Variants in CYP1A2 observed in about 807,000 individuals in gnomAD.
CYP1A2 encodes the protein cytochrome P450 1A2.
CYP1A2 carries 35 observed loss-of-function variants against 34.7 expected under a neutral mutation model. The ratio of observed to expected loss-of-function variants is 1.01; its 90% CI spans 0.77 to 1.34. CYP1A2 has a LOEUF of 1.34. Among genes scored for constraint, CYP1A2 ranks in the 40% most tolerant of loss-of-function variants. CYP1A2 has a pLI of 0.00. For synonymous variants in CYP1A2, 288 were observed against 281.9 expected, an observed-to-expected ratio of 1.02 and a Z score of -0.22; for missense variants, 675 against 675.8, an observed-to-expected ratio of 1.00 and a Z score of 0.01.
Position 74,751,231 on chromosome 15 carries a change from A to C in CYP1A2, c.874A>C (p.Lys292Gln), listed in dbSNP as rs760946724. ...DITGALFKHS[K>Q]KGPRASGNLI... ...CACGGGTGCCCTGTTCAAGCACAGCAAGAAGGGGCCTAGAGCCAGCGGCAA... is the reference window on the plus strand; with the variant it reads ...CACGGGTGCCCTGTTCAAGCACAGCCAGAAGGGGCCTAGAGCCAGCGGCAA... Residue 292 changes from lysine to glutamine, a missense_variant, in exon 3 of 7, where the codon AAG becomes CAG. Transcript: ENST00000343932. 2 of 1,614,140 alleles carry C rather than the reference A, an allele frequency of 1.2e-6. No individual in the cohort carries two copies. The highest frequency in any genetic ancestry group is 2.2e-5 in the South Asian group (2 of 91,084).
rs1567205296 is a variant in CYP1A2 at position 74,750,355 on chromosome 15, G to T, written c.617G>T (p.Gly206Val). The change falls in exon 2 of 7, where the codon GGA becomes GTA. Residue 206 changes from glycine to valine, a missense_variant. Physicochemically the swap from Gly to Val is moderately radical, Grantham distance 109. Coordinates refer to ENST00000343932, the MANE Select transcript of CYP1A2 (RefSeq NM_000761.5). ...AACGTCATTGGTGCCATGTGCTTCG[G>T]ACAGCACTTCCCTGAGAGTAGCGAT... ...VANVIGAMCF[G>V]QHFPESSDEM... 2 of 1,614,174 alleles carry T rather than the reference G, an allele frequency of 1.2e-6. No homozygotes were observed. The highest frequency in any genetic ancestry group is 1.7e-6 in the Non-Finnish European group (2 of 1,180,026).
chr15:74,753,609 C>T (rs897804965), intron 6 of CYP1A2, among the ~76,000 whole-genome samples: 1 of 151,876 alleles, frequency 6.6e-6, no homozygotes, highest in Non-Finnish European at 1.5e-5. Flanking sequence ...GGTGGTGCGC[C>T]TATAATCCCA....
intron 5 of CYP1A2, among the ~76,000 whole-genome samples, chr15:74,752,885 T>TC (rs1204791537): frequency 2.0e-5 from 3 of 151,134 alleles, no homozygotes; most frequent in Non-Finnish European, 4.4e-5. Context: ...TTTTTTTTTT[T>TC]TTTTTTTTTC....
chr15:74,748,960 T>C lies in CYP1A2; in HGVS notation c.-10+63T>C, dbSNP rs138161886. The C allele has an allele frequency of 3.2e-4, 48 of 152,380 alleles. 1 individual carries two copies. The highest frequency in any genetic ancestry group is 1.1e-3 in the African/African-American group (46 of 41,586). The allele number at this position is 152,380 out of a possible 1,614,324, so 9.4% of individuals were successfully genotyped here. The stretch of plus-strand genomic sequence containing the variant: ...CCCAACTATAGAACCTGGAAGCTAG[T>C]GGGGACAGAAAGACGGGGAGCCTGG... On this transcript the variant is annotated intron_variant, in intron 1 of 6. Transcript: ENST00000343932.
chr15:74,753,348 TTA>T (rs1442876868), intron 6 of CYP1A2, 78 bp downstream of exon 6: 3 of 1,185,006 alleles, frequency 2.5e-6, no homozygotes. Flanking sequence ...TAGGAACTGT[TTA>T]TATAATGAAA....
intron 6 of CYP1A2, among the ~76,000 whole-genome samples, chr15:74,753,505 C>G (rs1031264695): frequency 1.3e-5 from 2 of 152,024 alleles, no homozygotes; most frequent in Non-Finnish European, 2.9e-5. Flanking sequence ...CCGAGGCAGG[C>G]AGATCACTTG....
At position 74,750,222 on chromosome 15, in the gene CYP1A2, G is replaced by A. The variant is rs757272055; in HGVS notation, c.484G>A (p.Glu162Lys). ...DPASSSSCYL[E>K]EHVSKEAKAL... ...AGCTTCCTCATCCTCCTGCTACCTG[G>A]AGGAGCATGTGAGCAAGGAGGCTAA... Residue 162 changes from glutamate to lysine, a missense_variant, in exon 2 of 7, where the codon GAG becomes AAG. Physicochemically the swap from Glu to Lys is moderately conservative, Grantham distance 56. Transcript: ENST00000343932. The A allele has an allele frequency of 7.4e-6, 12 of 1,614,062 alleles. No homozygotes were observed. In the African/African-American group the frequency reaches 1.5e-4, roughly 20 times the overall value.
rs960745484 is a variant in CYP1A2 at position 74,750,299 on chromosome 15, C to G, written c.561C>G (p.Asp187Glu). 1.3e-5 allele frequency: 21 copies of G among 1,614,106 alleles called. No homozygotes were observed. In the African/African-American group the frequency reaches 2.7e-4, roughly 21 times the overall value. The change falls in exon 2 of 7, where the codon GAC (aspartate) becomes GAG (glutamate). Residue 187 changes from aspartate to glutamate, a missense_variant. Physicochemically the swap from Asp to Glu is conservative, Grantham distance 45. Transcript: ENST00000343932. ...TGATGGCAGGGCCTGGGCACTTCGA[C>G]CCTTACAATCAGGTGGTGGTGTCAG... is the stretch of plus-strand genomic sequence containing the variant. ...QELMAGPGHF[D>E]PYNQVVVSVA...
At chr15:74,753,116 G>A in intron 5 of CYP1A2, 68 bp from the exon 6 acceptor site, 1 of 1,266,446 alleles carries the variant, frequency 7.9e-7, no homozygotes, top group Non-Finnish European at 1.1e-6. Context: ...TGGATGGGGT[G>A]GAGGTAGGAG....
chr15:74,754,079 T>G (rs1165960836), intron 6 of CYP1A2, among the ~76,000 whole-genome samples: 1 of 152,124 alleles, frequency 6.6e-6, no homozygotes, highest in African/African-American at 2.4e-5. Flanking sequence ...TCACTTTAAT[T>G]TTTAAATAGA....
chr15:74,749,907 C>T lies in CYP1A2; in HGVS notation c.169C>T (p.Leu57=), dbSNP rs768527903. 1.2e-6 allele frequency: 2 copies of T among 1,610,616 alleles called. No individual in the cohort carries two copies. Among genetic ancestry groups the T allele is most frequent in the South Asian group, 2.2e-5 (2 of 90,892 alleles). Residue 57 remains leucine, a synonymous_variant, in exon 2 of 7, where the codon CTG becomes TTG. Coordinates refer to ENST00000343932, the MANE Select transcript of CYP1A2 (RefSeq NM_000761.5). The part of the protein sequence containing the change: ...GWPLLGHVLT[L]GKNPHLALSR... Reference sequence around the variant, plus strand: ...GCCCTTGCTCGGGCATGTGCTGACCCTGGGGAAGAACCCGCACCTGGCACT... The same window carrying T: ...GCCCTTGCTCGGGCATGTGCTGACCTTGGGGAAGAACCCGCACCTGGCACT...
chr15:74,756,173 A>G lies in CYP1A2; in HGVS notation c.*1085A>G, dbSNP rs2063337374. 1 of 148,074 alleles carries G rather than the reference A, an allele frequency of 6.8e-6. No individual in the cohort carries two copies. The highest frequency in any genetic ancestry group is 2.5e-5 in the African/African-American group (1 of 39,820). The allele number at this position is 148,074 out of a possible 1,614,324, so 9.2% of individuals were successfully genotyped here. On this transcript the variant is annotated 3_prime_UTR_variant, in exon 7 of 7. Transcript: ENST00000343932. ...TCCTCTGTCTCCTAAGCTGGAGTGCAGTGGCATCATCTCAGCTCACTGCAA... is the reference window on the plus strand; with the variant it reads ...TCCTCTGTCTCCTAAGCTGGAGTGCGGTGGCATCATCTCAGCTCACTGCAA...
Position 74,749,944 on chromosome 15 carries a change from G to T in CYP1A2, c.206G>T (p.Ser69Ile). Residue 69 changes from serine to isoleucine, a missense_variant, in exon 2 of 7, where the codon AGC (serine) becomes ATC (isoleucine). By Grantham distance (142) the Ser-to-Ile change is moderately radical. Transcript: ENST00000343932. ...CCGCACCTGGCACTGTCAAGGATGA[G>T]CCAGCGCTACGGGGACGTCCTGCAG... ...KNPHLALSRM[S>I]QRYGDVLQIR... 1 of 1,613,454 alleles carries T rather than the reference G, an allele frequency of 6.2e-7. No homozygotes were observed.
chr15:74,751,361 C>T (rs755719888), intron 3 of CYP1A2, 52 bp downstream of exon 3: 2 of 1,604,558 alleles, frequency 1.2e-6, no homozygotes. Context: ...TGTTCACCCA[C>T]AGCCTTGCCC....
In CYP1A2 at chr15:74,751,746, C is replaced by T. The variant is rs1332508189; in HGVS notation, c.953-19C>T. ...GTTTCTGTCTTCCTTCTTTCCTCACCTTACACTACACGGTTCAGGATTTGA... is the reference window on the plus strand; with the variant it reads ...GTTTCTGTCTTCCTTCTTTCCTCACTTTACACTACACGGTTCAGGATTTGA... On this transcript the variant is annotated intron_variant, in intron 3 of 6. Coordinates refer to ENST00000343932, the MANE Select transcript of CYP1A2 (RefSeq NM_000761.5). 1.9e-5 allele frequency: 30 copies of T among 1,609,854 alleles called. No individual in the cohort carries two copies. Among genetic ancestry groups the T allele is most frequent in the Admixed American group, 3.4e-5 (2 of 59,236 alleles).
chr15:74,755,232 A>C lies in CYP1A2; in HGVS notation c.*144A>C, dbSNP rs1287069374. On this transcript the variant is annotated 3_prime_UTR_variant, in exon 7 of 7. Coordinates refer to ENST00000343932, the MANE Select transcript of CYP1A2 (RefSeq NM_000761.5). ...GTAATCCCAGCATTTTAGGAGGCCAAGGTTGGAGGATCATTTGAGCCCAGG... is the reference window on the plus strand; with the variant it reads ...GTAATCCCAGCATTTTAGGAGGCCACGGTTGGAGGATCATTTGAGCCCAGG... 3 of 903,242 alleles carry C rather than the reference A, an allele frequency of 3.3e-6. No homozygotes were observed. The African/African-American group carries it at 5.0e-5, about 15-fold the overall frequency. The allele number at this position is 903,242 out of a possible 1,614,324, so 56.0% of individuals were successfully genotyped here.
rs200303014 is a variant in CYP1A2 at position 74,751,804 on chromosome 15, T to C, written c.992T>C (p.Met331Thr). 27 of 1,614,044 alleles carry C rather than the reference T, an allele frequency of 1.7e-5. No individual in the cohort carries two copies. Among genetic ancestry groups the C allele is most frequent in the South Asian group, 1.1e-5 (1 of 91,086 alleles). The change falls in exon 4 of 7, where the codon ATG becomes ACG. Residue 331 changes from methionine to threonine, a missense_variant. Coordinates refer to ENST00000343932, the MANE Select transcript of CYP1A2 (RefSeq NM_000761.5). The part of the protein sequence containing the change: ...TVTTAISWSL[M>T]YLVTKPEIQR... ...ACCACAGCCATCTCCTGGAGCCTCA[T>C]GTACCTTGTGACCAAGCCTGAGATA...
Position 74,755,448 on chromosome 15 carries a change from CT to C in CYP1A2, c.*373del, listed in dbSNP as rs33923017. Reference sequence around the variant, plus strand: ...ATTCTTATGCCATATAATTCACCTTCTTTTTTTTTTTTTGTCTGAGACAGAA... The same window carrying C: ...ATTCTTATGCCATATAATTCACCTTCTTTTTTTTTTTTGTCTGAGACAGAA... On this transcript the variant is annotated 3_prime_UTR_variant, in exon 7 of 7. Coordinates refer to ENST00000343932, the MANE Select transcript of CYP1A2 (RefSeq NM_000761.5). 1,305 of 142,288 alleles carry C rather than the reference CT, an allele frequency of 9.2e-3. 47 individuals are homozygous for C. In the East Asian group the frequency reaches 0.15, roughly 16 times the overall value. 8.8% of individuals were successfully genotyped at this position (142,288 alleles called of 1,614,324 possible).
chr15:74,754,071 A>T (rs1370528231), intron 6 of CYP1A2, among the ~76,000 whole-genome samples: 1 of 152,014 alleles, frequency 6.6e-6, no homozygotes, highest in African/African-American at 2.4e-5. Flanking sequence ...TCTTCCTTTC[A>T]CTTTAATTTT....
Sources: gnomAD v4.1 joint callset for allele counts (sites outside exome capture counted in the v4.1 genomes callset) on GRCh38, gnomAD v4.1.1 for gene constraint, MANE v1.5 for transcripts, NCBI Gene and HGNC (gene_info 2026-07-23, HGNC 2026-07-21) for gene names.